FRMD3: variants seen among roughly 807,000 people sequenced by gnomAD.
FRMD3 encodes FERM domain-containing protein 3.
FRMD3 carries 33 observed loss-of-function variants against 70.2 expected under a neutral mutation model. The observed-to-expected ratio is 0.47, with a 90% CI of 0.36 to 0.63. FRMD3 has a LOEUF of 0.63. FRMD3 is among the 20% of genes least tolerant of loss of function. The pLI, the probability that FRMD3 is intolerant of heterozygous loss-of-function variation, is 0.00. For synonymous variants in FRMD3, 279 were observed against 255.9 expected, an observed-to-expected ratio of 1.09 and a Z score of -0.86; for missense variants, 632 against 711.4, an observed-to-expected ratio of 0.89 and a Z score of 1.27.
chr9:83,354,487 G>A (rs1449769950), intron 3 of FRMD3, among the ~76,000 whole-genome samples: 2 of 152,102 alleles, frequency 1.3e-5, no homozygotes, highest in African/African-American at 2.4e-5. Context: ...AACAACAGAC[G>A]CTGGGGACTA....
At chr9:83,346,517 A>G (rs1346720807) in intron 4 of FRMD3, among the ~76,000 whole-genome samples, 3 of 152,156 alleles carry the variant, frequency 2.0e-5, no homozygotes, top group East Asian at 1.9e-4. Context: ...CAGAAAACAG[A>G]TAAGTGGTTG....
intron 13 of FRMD3, among the ~76,000 whole-genome samples, chr9:83,287,371 A>G (rs3739659): frequency 0.11 from 17,224 of 152,260 alleles, 1,278 homozygotes; most frequent in East Asian, 0.17. Flanking sequence ...TCAAGAGGTC[A>G]GTGGCTCTGA....
intron 1 of FRMD3, among the ~76,000 whole-genome samples, chr9:83,504,944 T>C (rs1299819829): frequency 1.3e-5 from 2 of 152,138 alleles, no homozygotes; most frequent in Non-Finnish European, 2.9e-5. Context: ...GGTCCTCAGA[T>C]TGGGTCAGCT....
chr9:83,421,872 G>A (rs1826653547), intron 1 of FRMD3, among the ~76,000 whole-genome samples: 2 of 152,174 alleles, frequency 1.3e-5, no homozygotes, highest in Non-Finnish European at 2.9e-5. Flanking sequence ...TAGATAGCAT[G>A]CAATTCACAC....
At chr9:83,422,268 A>C (rs1826669647) in intron 1 of FRMD3, among the ~76,000 whole-genome samples, 1 of 152,102 alleles carries the variant, frequency 6.6e-6, no homozygotes, top group African/African-American at 2.4e-5. Context: ...GGCCTCCTGA[A>C]GACCCTCAAG....
At chr9:83,423,585 CTTTT>C (rs869226126) in intron 1 of FRMD3, among the ~76,000 whole-genome samples, 6 of 60,484 alleles carry the variant, frequency 9.9e-5, no homozygotes, top group South Asian at 7.8e-4. Context: ...AGCCCTGTTT[CTTTT>C]TTTTTTTTTT....
intron 9 of FRMD3, among the ~76,000 whole-genome samples, chr9:83,310,278 A>G (rs1835301647): frequency 6.6e-6 from 1 of 152,228 alleles, no homozygotes. Flanking sequence ...GTGTACAATC[A>G]GCATTGCTTA....
intron 1 of FRMD3, among the ~76,000 whole-genome samples, chr9:83,446,585 T>G (rs1446126968): frequency 7.0e-6 from 1 of 143,294 alleles, no homozygotes; most frequent in African/African-American, 2.7e-5. Context: ...AGGCAGAGCT[T>G]GCAGTGAGCC....
intron 4 of FRMD3, among the ~76,000 whole-genome samples, chr9:83,344,824 AGTGT>A (rs35538787): frequency 0.068 from 9,724 of 144,018 alleles, 369 homozygotes; most frequent in East Asian, 0.17. Context: ...TGCATGTGTG[AGTGT>A]GTGTGTGTGT....
intron 4 of FRMD3, among the ~76,000 whole-genome samples, chr9:83,344,902 G>A (rs3860901): frequency 0.66 from 100,534 of 151,222 alleles, 33,571 homozygotes; most frequent in Admixed American, 0.71. Flanking sequence ...ACTAATAAAC[G>A]TCTCTAGCGC....
chr9:83,529,720 G>GA (rs1184498426), intron 1 of FRMD3, among the ~76,000 whole-genome samples: 1 of 152,096 alleles, frequency 6.6e-6, no homozygotes, highest in Non-Finnish European at 1.5e-5. Context: ...CACAGAATGG[G>GA]AAAAAATATT....
In FRMD3 at chr9:83,357,160, C is replaced by T. The variant is rs187096080; in HGVS notation, c.296-7403G>A. Reference sequence around the variant, plus strand: ...ATATATTATGTATATATATAACATACATGGAATATATATATTACATTATAT... The same window carrying T: ...ATATATTATGTATATATATAACATATATGGAATATATATATTACATTATAT... On this transcript the variant is annotated intron_variant, in intron 3 of 13. Transcript: ENST00000304195. 2.1e-3 allele frequency among the ~76,000 whole-genome samples: 283 copies of T among 133,520 alleles called. 5 individuals are homozygous for T. Among genetic ancestry groups the T allele is most frequent in the African/African-American group, 7.2e-3 (266 of 36,784 alleles). The allele number at this position is 133,520 out of a possible 152,430, so 87.6% of individuals were successfully genotyped here.
intron 1 of FRMD3, among the ~76,000 whole-genome samples, chr9:83,498,962 G>A (rs1829004181): frequency 6.6e-6 from 1 of 152,122 alleles, no homozygotes; most frequent in Non-Finnish European, 1.5e-5. Context: ...CTTTCGAGAT[G>A]AGGCATGTTT....
intron 1 of FRMD3, among the ~76,000 whole-genome samples, chr9:83,482,252 C>T (rs2131480355): frequency 6.6e-6 from 1 of 152,262 alleles, no homozygotes; most frequent in South Asian, 2.1e-4. Flanking sequence ...TTGCTCAATT[C>T]CCTACCAGAT....
chr9:83,459,231 A>T (rs2131433678), intron 1 of FRMD3, among the ~76,000 whole-genome samples: 1 of 152,240 alleles, frequency 6.6e-6, no homozygotes, highest in African/African-American at 2.4e-5. Context: ...AACTCCACTG[A>T]CACTCCCTAG....
Position 83,247,897 on chromosome 9 carries a change from TAGTCACGTG to T in FRMD3, c.*12_*20del. 6.2e-7 allele frequency: 1 copy of T among 1,610,734 alleles called. No homozygotes were observed. On this transcript the variant is annotated 3_prime_UTR_variant, in exon 14 of 14. Coordinates refer to ENST00000304195, the MANE Select transcript of FRMD3 (RefSeq NM_174938.6). ...AATCACTAGCATTGAATATAGCCCTTAGTCACGTGAGAGATTAACTTCATGAGCAACCCA... is the reference window on the plus strand; with the variant it reads ...AATCACTAGCATTGAATATAGCCCTTAGAGATTAACTTCATGAGCAACCCA...
At chr9:83,405,110 G>A (rs17086219) in intron 1 of FRMD3, among the ~76,000 whole-genome samples, 15,908 of 152,084 alleles carry the variant, frequency 0.1, 883 homozygotes, top group East Asian at 0.14. Context: ...GTTCCATTTC[G>A]GGGACCCCTT....
chr9:83,323,741 C>T (rs1025108066), intron 6 of FRMD3, among the ~76,000 whole-genome samples: 3 of 152,162 alleles, frequency 2.0e-5, no homozygotes, highest in Non-Finnish European at 4.4e-5. Context: ...GGCTAAAATA[C>T]CAGATATAAA....
chr9:83,296,383 C>T (rs1357654722), intron 12 of FRMD3, among the ~76,000 whole-genome samples: 1 of 152,182 alleles, frequency 6.6e-6, no homozygotes, highest in Non-Finnish European at 1.5e-5. Flanking sequence ...ATCCCATACT[C>T]CTAGCTCATG....
Sources: allele counts gnomAD v4.1 joint callset (sites outside exome capture counted in the v4.1 genomes callset), GRCh38; gene constraint gnomAD v4.1.1; transcripts MANE v1.5; gene names NCBI Gene and HGNC (gene_info 2026-07-23, HGNC 2026-07-21).